CACNA2D3: variants seen among roughly 807,000 people sequenced by gnomAD.
CACNA2D3 encodes calcium voltage-gated channel auxiliary subunit alpha2delta 3, also known as voltage-dependent calcium channel subunit alpha-2/delta-3.
In CACNA2D3, 60 loss-of-function variants were observed where a neutral mutation model predicts 160.6. The ratio of observed to expected loss-of-function variants is 0.37; its 90% confidence interval spans 0.30 to 0.46. The LOEUF is 0.46. CACNA2D3 is among the 20% of genes least tolerant of loss of function. The probability of loss-of-function intolerance (pLI) is 1.00; values close to 1 mark genes in which losing one functional copy is unlikely to be tolerated. For missense variants in CACNA2D3, 1,205 were observed against 1,365.0 expected, an observed-to-expected ratio of 0.88 and a Z score of 1.85; for synonymous variants, 558 against 492.9, an observed-to-expected ratio of 1.13 and a Z score of -1.75.
chr3:54,358,418 C>T (rs934145805), intron 3 of CACNA2D3, among the ~76,000 whole-genome samples: 4 of 152,228 alleles, frequency 2.6e-5, no homozygotes, highest in Admixed American at 6.5e-5. Context: ...CCGGTTGTGA[C>T]ATTTTGGCAT....
chr3:54,197,122 G>A (rs546169465), intron 2 of CACNA2D3, among the ~76,000 whole-genome samples: 11 of 152,156 alleles, frequency 7.2e-5, no homozygotes, highest in African/African-American at 2.4e-4. Context: ...GGTTGGTTTT[G>A]AGCTCCTGAG....
intron 4 of CACNA2D3, among the ~76,000 whole-genome samples, chr3:54,499,660 T>C (rs1281936993): frequency 6.6e-6 from 1 of 152,170 alleles, no homozygotes; most frequent in Non-Finnish European, 1.5e-5. Context: ...AAAAGTATGT[T>C]GTCTAATCTC....
chr3:54,782,211 A>G (rs571824607), intron 13 of CACNA2D3, among the ~76,000 whole-genome samples: 46 of 152,342 alleles, frequency 3.0e-4, no homozygotes, highest in African/African-American at 1.0e-3. Context: ...TTTTTGATAT[A>G]TAGACTAAAA....
At chr3:54,446,740 G>A (rs1463149776) in intron 4 of CACNA2D3, among the ~76,000 whole-genome samples, 6 of 152,030 alleles carry the variant, frequency 3.9e-5, no homozygotes, top group Non-Finnish European at 7.4e-5. Context: ...TGAGGATGTC[G>A]TTTTCATCTC....
At chr3:54,794,213 C>T (rs966840832) in intron 13 of CACNA2D3, among the ~76,000 whole-genome samples, 2 of 152,084 alleles carry the variant, frequency 1.3e-5, no homozygotes, top group Non-Finnish European at 2.9e-5. Flanking sequence ...CCACTTCTGA[C>T]CCAATAATAG....
At chr3:54,123,160 TG>T (rs111569059) in intron 1 of CACNA2D3, among the ~76,000 whole-genome samples, 56,237 of 151,204 alleles carry the variant, frequency 0.37, 10,705 homozygotes, top group East Asian at 0.6. Context: ...CTTCTTTTTT[TG>T]GGGGGGGGAT....
intron 2 of CACNA2D3, among the ~76,000 whole-genome samples, chr3:54,152,617 A>G (rs1001535099): frequency 6.6e-6 from 1 of 152,238 alleles, no homozygotes; most frequent in African/African-American, 2.4e-5. Context: ...AAGGGCCCAG[A>G]GAGGGAGAGG....
intron 17 of CACNA2D3, among the ~76,000 whole-genome samples, chr3:54,863,668 T>C (rs187998204): frequency 6.6e-6 from 1 of 151,988 alleles, no homozygotes; most frequent in African/African-American, 2.4e-5. Context: ...GGACACTGAT[T>C]AAGATAAAGG....
At chr3:54,905,768 G>T (rs1373961575) in intron 27 of CACNA2D3, among the ~76,000 whole-genome samples, 1 of 152,096 alleles carries the variant, frequency 6.6e-6, no homozygotes, top group East Asian at 1.9e-4. Context: ...CCACAACAAA[G>T]AATTATGTGG....
At chr3:54,230,637 A>G (rs575987249) in intron 2 of CACNA2D3, among the ~76,000 whole-genome samples, 1 of 152,234 alleles carries the variant, frequency 6.6e-6, no homozygotes, top group Non-Finnish European at 1.5e-5. Flanking sequence ...TAAGCATGTT[A>G]TACTTACAGC....
chr3:54,212,715 G>T (rs1701397618), intron 2 of CACNA2D3, among the ~76,000 whole-genome samples: 1 of 152,088 alleles, frequency 6.6e-6, no homozygotes. Flanking sequence ...AGAGGGGAGG[G>T]ATCCATTTAG....
chr3:54,548,942 C>T (rs1272784229), intron 5 of CACNA2D3, among the ~76,000 whole-genome samples: 6 of 152,178 alleles, frequency 3.9e-5, no homozygotes, highest in South Asian at 4.1e-4. Context: ...AGGCTGGTGA[C>T]GCTGTGACAG....
intron 5 of CACNA2D3, among the ~76,000 whole-genome samples, chr3:54,527,042 T>TG (rs1701734450): frequency 1.3e-5 from 2 of 152,184 alleles, no homozygotes; most frequent in South Asian, 4.1e-4. Flanking sequence ...AACCATGCCG[T>TG]GGGGCATGAA....
intron 5 of CACNA2D3, among the ~76,000 whole-genome samples, chr3:54,538,545 A>C (rs1187442572): frequency 6.6e-6 from 1 of 152,042 alleles, no homozygotes; most frequent in East Asian, 1.9e-4. Flanking sequence ...CTCTGACAAC[A>C]CAAGGGGGAT....
At chr3:54,166,912 T>G (rs923489103) in intron 2 of CACNA2D3, among the ~76,000 whole-genome samples, 1 of 152,230 alleles carries the variant, frequency 6.6e-6, no homozygotes, top group Non-Finnish European at 1.5e-5. Context: ...ATCAAAGATA[T>G]CCTGATGAAA....
At chr3:54,969,980 C>T (rs1702234482) in intron 29 of CACNA2D3, 136 bp downstream of exon 29, 1 of 568,414 alleles carries the variant, frequency 1.8e-6, no homozygotes. Flanking sequence ...AAAAAAAAAT[C>T]ATTTGCTTTA....
chr3:55,005,630 A>G (rs1239536992), intron 32 of CACNA2D3, among the ~76,000 whole-genome samples: 1 of 152,186 alleles, frequency 6.6e-6, no homozygotes, highest in Non-Finnish European at 1.5e-5. Context: ...ACGAGGATCA[A>G]TCAGCATAGC....
At chr3:54,482,270 T>A (rs1700945984) in intron 4 of CACNA2D3, among the ~76,000 whole-genome samples, 1 of 152,180 alleles carries the variant, frequency 6.6e-6, no homozygotes, top group African/African-American at 2.4e-5. Context: ...TGTAAATGAT[T>A]AGGAATGGAA....
At chr3:54,873,408 T>A (rs924103504) in intron 18 of CACNA2D3, among the ~76,000 whole-genome samples, 2 of 152,106 alleles carry the variant, frequency 1.3e-5, no homozygotes, top group Non-Finnish European at 2.9e-5. Flanking sequence ...GTTGTTTGCT[T>A]GTTTGTGACC....
Sources: gnomAD v4.1 joint callset for allele counts (sites outside exome capture counted in the v4.1 genomes callset) on GRCh38, gnomAD v4.1.1 for gene constraint, MANE v1.5 for transcripts, NCBI Gene and HGNC (gene_info 2026-07-23, HGNC 2026-07-21) for gene names.